Variants in SNX30 observed in about 807,000 individuals in gnomAD.
SNX30 encodes the protein sorting nexin family member 30, also known as sorting nexin-30.
A neutral mutation model predicts 46.4 loss-of-function variants in SNX30; 24 were observed. The ratio of observed to expected loss-of-function variants is 0.52; its 90% CI spans 0.37 to 0.73. The LOEUF is 0.73. Ranked by LOEUF, SNX30 falls within the 30% of genes least tolerant of loss-of-function variation. SNX30 has a pLI of 0.00. For missense variants in SNX30, 533 were observed against 555.7 expected, an observed-to-expected ratio of 0.96 and a Z score of 0.41; for synonymous variants, 189 against 211.5, an observed-to-expected ratio of 0.89 and a Z score of 0.92.
intron 1 of SNX30, among the ~76,000 whole-genome samples, chr9:112,766,814 A>T (rs1270935431): frequency 2.0e-5 from 3 of 152,304 alleles, no homozygotes; most frequent in South Asian, 2.1e-4. Context: ...AAGGCTGTAT[A>T]GTATTTCATT....
chr9:112,774,947 C>T (rs568441228), intron 1 of SNX30, among the ~76,000 whole-genome samples: 76 of 147,994 alleles, frequency 5.1e-4, no homozygotes, highest in Admixed American at 1.4e-3. Context: ...TGGGTTCAAG[C>T]GATTCTCATG....
intron 2 of SNX30, among the ~76,000 whole-genome samples, chr9:112,808,264 T>C (rs1340096397): frequency 6.6e-6 from 1 of 152,262 alleles, no homozygotes; most frequent in Non-Finnish European, 1.5e-5. Flanking sequence ...AATGCTTTGC[T>C]TTATTACCTT....
intron 1 of SNX30, among the ~76,000 whole-genome samples, chr9:112,795,697 T>C: frequency 6.6e-6 from 1 of 150,672 alleles, no homozygotes; most frequent in East Asian, 2.0e-4. Context: ...GTTAGGGGAG[T>C]TGGCTTGAAG....
At chr9:112,780,985 T>TC (rs1215188503) in intron 1 of SNX30, among the ~76,000 whole-genome samples, 1 of 152,168 alleles carries the variant, frequency 6.6e-6, no homozygotes, top group Non-Finnish European at 1.5e-5. Flanking sequence ...CGTCACAGAG[T>TC]CCCCTAACCA....
At chr9:112,793,459 C>T (rs943274047) in intron 1 of SNX30, among the ~76,000 whole-genome samples, 3 of 152,186 alleles carry the variant, frequency 2.0e-5, no homozygotes, top group Non-Finnish European at 2.9e-5. Context: ...GCTTGGCATC[C>T]CCTTGGTCAC....
At chr9:112,828,754 A>G (rs751341347) in intron 3 of SNX30, among the ~76,000 whole-genome samples, 1 of 152,194 alleles carries the variant, frequency 6.6e-6, no homozygotes, top group Non-Finnish European at 1.5e-5. Context: ...GGTATGTAAT[A>G]CGCTCTTTTA....
At chr9:112,765,111 A>G (rs1363656749) in intron 1 of SNX30, among the ~76,000 whole-genome samples, 6 of 152,182 alleles carry the variant, frequency 3.9e-5, no homozygotes, top group Admixed American at 1.3e-4. Context: ...AATTCCAGCT[A>G]CCGGGTTCAG....
rs926782834 is a variant in SNX30 at position 112,871,410 on chromosome 9, C to G, written c.*2567C>G. ...GGCCAGCAGTCCCAACCATTTGCCT[C>G]TTCGTTTTGACCAAGCACAAAAGAG... On this transcript the variant is annotated 3_prime_UTR_variant, in exon 9 of 9. Transcript: ENST00000374232. The G allele has an allele frequency of 1.3e-5, 2 of 152,108 alleles. No homozygotes were observed. The highest frequency in any genetic ancestry group is 2.9e-5 in the Non-Finnish European group (2 of 68,012). 9.4% of individuals were successfully genotyped at this position (152,108 alleles called of 1,614,324 possible). A position where few individuals can be genotyped will look rare whatever the true frequency, so the allele number is the denominator to read the frequency against.
rs186696577 is a variant in SNX30 at position 112,844,893 on chromosome 9, G to A, written c.1015-5966G>A. Among the ~76,000 whole-genome samples, 348 of 152,294 alleles carry A rather than the reference G, an allele frequency of 2.3e-3. 5 individuals carry two copies. Among genetic ancestry groups the A allele is most frequent in the South Asian group, 1.2e-3 (6 of 4,826 alleles). On this transcript the variant is annotated intron_variant, in intron 6 of 8. Coordinates refer to ENST00000374232, the MANE Select transcript of SNX30 (RefSeq NM_001012994.2). ...CGCCAATGAGTCAAACTCCGGGAAC[G>A]CGAACAGTTGGTGCTTTAGGTTGGC...
chr9:112,783,369 C>T (rs1839874887), intron 1 of SNX30, among the ~76,000 whole-genome samples: 1 of 152,178 alleles, frequency 6.6e-6, no homozygotes, highest in Non-Finnish European at 1.5e-5. Context: ...CCCTCTGCCA[C>T]CAAGTTATTT....
At chr9:112,864,837 T>C (rs962901014) in intron 8 of SNX30, among the ~76,000 whole-genome samples, 3 of 152,114 alleles carry the variant, frequency 2.0e-5, no homozygotes, top group African/African-American at 7.2e-5. Flanking sequence ...CTCACCAAAA[T>C]ACTGTGCATT....
chr9:112,757,152 C>G (rs1839363579), intron 1 of SNX30, among the ~76,000 whole-genome samples: 1 of 152,234 alleles, frequency 6.6e-6, no homozygotes, highest in Non-Finnish European at 1.5e-5. Flanking sequence ...CCCATTTCCT[C>G]TCCCACCTGC....
In SNX30 at chr9:112,850,921, T is replaced by C. The variant is rs1422401561; in HGVS notation, c.1077T>C (p.Ala359=). The C allele has an allele frequency of 5.0e-6, 8 of 1,613,900 alleles. No individual in the cohort carries two copies. The South Asian group carries it at 6.6e-5, about 13-fold the overall frequency. ...AEYEAKLEAV[A]LRKEDRPKVP... is the part of the protein sequence containing the mutation. ...ATGAAGCCAAACTGGAAGCTGTGGCTCTGCGGAAGGAAGACCGCCCCAAGG... is the reference window on the plus strand; with the variant it reads ...ATGAAGCCAAACTGGAAGCTGTGGCCCTGCGGAAGGAAGACCGCCCCAAGG... Residue 359 remains alanine (A), a synonymous_variant, in exon 7 of 9, where the codon GCT becomes GCC. Transcript: ENST00000374232.
intron 1 of SNX30, among the ~76,000 whole-genome samples, chr9:112,779,422 C>T (rs1365846599): frequency 2.0e-5 from 3 of 152,062 alleles, no homozygotes; most frequent in Admixed American, 2.0e-4. Flanking sequence ...TTGGACCAGG[C>T]ATGGTGGCGC....
Position 112,838,624 on chromosome 9 carries a change from A to G in SNX30, c.941A>G (p.Glu314Gly), listed in dbSNP as rs1209726930. 6.2e-7 allele frequency: 1 copy of G among 1,614,192 alleles called. No homozygotes were observed. ...CIGNCSTALE[E>G]LTDDMTEDFL... ...GGGAACTGCTCTACAGCCTTAGAAG[A>G]GCTGACAGATGACATGACAGAAGAC... The change falls in exon 6 of 9, where the codon GAG becomes GGG. Residue 314 changes from glutamate (E) to glycine (G), a missense_variant. Glu to Gly is a moderately conservative substitution (Grantham distance 98, BLOSUM62 -2). This residue lies in a region of SNX30 where 261 missense variants were observed against 270.9 expected (regional missense o/e 0.96). Transcript: ENST00000374232.
chr9:112,769,902 G>A (rs1367504788), intron 1 of SNX30, among the ~76,000 whole-genome samples: 1 of 151,878 alleles, frequency 6.6e-6, no homozygotes, highest in African/African-American at 2.4e-5. Context: ...AATTAGCCTC[G>A]GCTCTTCCCT....
chr9:112,878,880 A>G (rs1013729592), downstream of SNX30: 1 of 152,260 alleles, frequency 6.6e-6, no homozygotes, highest in Non-Finnish European at 1.5e-5. Context: ...CTGTAGTCAC[A>G]GACAGAATCT....
chr9:112,834,843 A>AAACACAC (rs1840723377), intron 4 of SNX30, among the ~76,000 whole-genome samples: 2 of 78,320 alleles, frequency 2.6e-5, no homozygotes, highest in Admixed American at 1.2e-4. Flanking sequence ...CACACACACA[A>AAACACAC]ACACACACAC....
chr9:112,777,107 A>T (rs184822760), intron 1 of SNX30, among the ~76,000 whole-genome samples: 1 of 151,920 alleles, frequency 6.6e-6, no homozygotes, highest in African/African-American at 2.4e-5. Flanking sequence ...TGGTTCCTCA[A>T]TTCTGGCTAA....
Sources: gnomAD v4.1 joint callset for allele counts (sites outside exome capture counted in the v4.1 genomes callset) on GRCh38, gnomAD v4.1.1 for gene constraint, gnomAD v4.1.1 regional missense constraint, MANE v1.5 for transcripts, NCBI Gene and HGNC (gene_info 2026-07-23, HGNC 2026-07-21) for gene names.